Variants in MIR2052HG observed in about 807,000 individuals in gnomAD.
The protein encoded by MIR2052HG is MIR2052 host gene.
chr8:74,749,659 A>T (rs969453015), intron 4 of MIR2052HG, among the ~76,000 whole-genome samples: 1 of 151,736 alleles, frequency 6.6e-6, no homozygotes, highest in Admixed American at 6.6e-5. Context: ...GACCAGCCTG[A>T]CCAACATGGT....
intron 2 of MIR2052HG, among the ~76,000 whole-genome samples, chr8:74,658,815 T>TG (rs1164223191): frequency 1.3e-5 from 2 of 152,222 alleles, no homozygotes; most frequent in African/African-American, 2.4e-5. Context: ...ACAGAATCTC[T>TG]GTAAAGCATC....
chr8:74,650,809 G>T (rs1421296807), intron 2 of MIR2052HG, among the ~76,000 whole-genome samples: 1 of 152,162 alleles, frequency 6.6e-6, no homozygotes, highest in Non-Finnish European at 1.5e-5. Context: ...AAATGAAGGT[G>T]CATTTTATTT....
chr8:74,713,872 A>G (rs1477461678), intron 4 of MIR2052HG, among the ~76,000 whole-genome samples: 2 of 152,194 alleles, frequency 1.3e-5, no homozygotes, highest in East Asian at 3.9e-4. Context: ...AAGAAAAACC[A>G]TATTAAAGAG....
At chr8:74,630,528 GAAAAAA>G (rs200428495) in intron 2 of MIR2052HG, among the ~76,000 whole-genome samples, 1 of 126,080 alleles carries the variant, frequency 7.9e-6, no homozygotes, top group Non-Finnish European at 1.7e-5. Flanking sequence ...AGATTTCTCT[GAAAAAA>G]AAAAAAAAAA....
chr8:74,734,250 A>G (rs1339848399), intron 4 of MIR2052HG, among the ~76,000 whole-genome samples: 1 of 152,228 alleles, frequency 6.6e-6, no homozygotes, highest in Non-Finnish European at 1.5e-5. Context: ...GTAAACAGCA[A>G]CAAAAGCAAC....
In MIR2052HG at chr8:74,725,889, G is replaced by A. The variant is rs1392574736; in HGVS notation, n.371+22207G>A. Among the ~76,000 whole-genome samples, 3 of 144,952 alleles carry A rather than the reference G, an allele frequency of 2.1e-5. No individual in the cohort carries two copies. In the East Asian group the frequency reaches 5.9e-4, roughly 28 times the overall value. ...TGGGAGACTTTTGGGGCTGTTATGAGGAGTGGGAAAAAAAACAGTCAGCTA... is the reference window on the plus strand; with the variant it reads ...TGGGAGACTTTTGGGGCTGTTATGAAGAGTGGGAAAAAAAACAGTCAGCTA... On this transcript the variant is annotated intron_variant and non_coding_transcript_variant, in intron 4 of 6. Transcript: ENST00000523442.
chr8:74,633,978 A>T (rs1488518996), intron 2 of MIR2052HG, among the ~76,000 whole-genome samples: 1 of 152,222 alleles, frequency 6.6e-6, no homozygotes, highest in African/African-American at 2.4e-5. Context: ...CTCTTTTAAG[A>T]GGGAGAATGA....
In MIR2052HG at chr8:74,600,727, C is replaced by A. The variant is rs369308934; in HGVS notation, n.128+819C>A. Among the ~76,000 whole-genome samples the A allele has an allele frequency of 4.5e-3, 687 of 152,098 alleles. 3 individuals carry two copies. The highest frequency in any genetic ancestry group is 0.01 in the Middle Eastern group (3 of 294). ...AGTAGCTGGGATTACAAGTGCGTGC[C>A]ACCATGCCCAGCTAATTTTTGTATT... On this transcript the variant is annotated intron_variant and non_coding_transcript_variant, in intron 1 of 6. Coordinates refer to ENST00000523442, the Ensembl canonical transcript of MIR2052HG.
At chr8:74,688,480 G>A (rs1809206076) in intron 2 of MIR2052HG, among the ~76,000 whole-genome samples, 1 of 149,486 alleles carries the variant, frequency 6.7e-6, no homozygotes, top group Non-Finnish European at 1.5e-5. Context: ...AGCTATACAT[G>A]GATATTAAAG....
chr8:74,649,454 G>T (rs147185231), intron 2 of MIR2052HG, among the ~76,000 whole-genome samples: 1 of 151,902 alleles, frequency 6.6e-6, no homozygotes, highest in East Asian at 1.9e-4. Flanking sequence ...AAATCTGAGG[G>T]GTATGAGATA....
chr8:74,602,876 T>TCTTTCTTTCTTTCCTTTC (rs1554570015), intron 1 of MIR2052HG, among the ~76,000 whole-genome samples: 1 of 137,064 alleles, frequency 7.3e-6, no homozygotes. Flanking sequence ...TTTCTTTCTT[T>TCTTTCTTTCTTTCCTTTC]TTTCTATTCA....
At chr8:74,665,325 GAC>G (rs749216061) in intron 2 of MIR2052HG, among the ~76,000 whole-genome samples, 1 of 152,182 alleles carries the variant, frequency 6.6e-6, no homozygotes, top group African/African-American at 2.4e-5. Context: ...TCAAGTCAAT[GAC>G]ACACAGTTTT....
At chr8:74,658,688 T>A (rs1808832130) in intron 2 of MIR2052HG, among the ~76,000 whole-genome samples, 1 of 152,208 alleles carries the variant, frequency 6.6e-6, no homozygotes, top group Non-Finnish European at 1.5e-5. Context: ...CCTGGCCCTG[T>A]TGATGTTCCT....
At chr8:74,730,398 G>T (rs984678880) in intron 4 of MIR2052HG, among the ~76,000 whole-genome samples, 1 of 152,112 alleles carries the variant, frequency 6.6e-6, no homozygotes, top group African/African-American at 2.4e-5. Flanking sequence ...TTTCTAATAT[G>T]GAAAGAGTTT....
At chr8:74,644,254 C>T (rs900610387) in intron 2 of MIR2052HG, among the ~76,000 whole-genome samples, 3 of 152,128 alleles carry the variant, frequency 2.0e-5, no homozygotes, top group Non-Finnish European at 4.4e-5. Context: ...ATAACATACG[C>T]GACAGTGGTC....
chr8:74,702,813 G>A (rs1490849873), intron 3 of MIR2052HG, among the ~76,000 whole-genome samples: 9 of 152,004 alleles, frequency 5.9e-5, no homozygotes, highest in Admixed American at 5.9e-4. Context: ...AAGTTTAGAT[G>A]CCCAAAATTC....
intron 2 of MIR2052HG, among the ~76,000 whole-genome samples, chr8:74,678,354 T>C (rs1277402356): frequency 6.6e-6 from 1 of 151,370 alleles, no homozygotes; most frequent in African/African-American, 2.4e-5. Flanking sequence ...AGGTCAGGAG[T>C]TCGAGACCAG....
chr8:74,600,117 G>A (rs1807970619), intron 1 of MIR2052HG, among the ~76,000 whole-genome samples: 2 of 152,112 alleles, frequency 1.3e-5, no homozygotes, highest in Admixed American at 6.5e-5. Flanking sequence ...ACTGACCTTC[G>A]CCCACTGTCT....
intron 2 of MIR2052HG, among the ~76,000 whole-genome samples, chr8:74,644,487 A>C (rs190553251): frequency 6.6e-6 from 1 of 152,320 alleles, no homozygotes; most frequent in East Asian, 1.9e-4. Flanking sequence ...TGTTCGCACA[A>C]TGACAAAATC....
Sources: gnomAD v4.1 joint callset for allele counts (sites outside exome capture counted in the v4.1 genomes callset) on GRCh38, gnomAD v4.1.1 for gene constraint, MANE v1.5 for transcripts, NCBI Gene and HGNC (gene_info 2026-07-23, HGNC 2026-07-21) for gene names.